ABCA13: variants seen among roughly 807,000 people sequenced by gnomAD.
ABCA13 encodes ATP-binding cassette sub-family A member 13.
A neutral mutation model predicts 478.7 loss-of-function variants in ABCA13; 476 were observed. The ratio of observed to expected loss-of-function variants is 0.99; its 90% CI spans 0.92 to 1.07. ABCA13 has a LOEUF of 1.07. Ranked by LOEUF, ABCA13 falls within the 50% of genes least tolerant of loss-of-function variation. The pLI is 0.00. For missense variants in ABCA13, 6,060 were observed against 5,910.6 expected, an observed-to-expected ratio of 1.03 and a Z score of -0.83; for synonymous variants, 2,252 against 2,158.9, an observed-to-expected ratio of 1.04 and a Z score of -1.20.
intron 19 of ABCA13, among the ~76,000 whole-genome samples, chr7:48,286,414 G>A (rs1797748857): frequency 6.6e-6 from 1 of 152,116 alleles, no homozygotes; most frequent in Non-Finnish European, 1.5e-5. Context: ...ACGTCATTGA[G>A]TTGAAATCAT....
At chr7:48,238,951 T>G (rs1354855241) in intron 8 of ABCA13, among the ~76,000 whole-genome samples, 5 of 152,250 alleles carry the variant, frequency 3.3e-5, no homozygotes, top group Non-Finnish European at 7.3e-5. Context: ...CTGACCCATG[T>G]TCACTTTTGG....
At chr7:48,350,495 A>T (rs755459950) in intron 29 of ABCA13, 148 bp from the exon 30 acceptor site, 90 of 906,684 alleles carry the variant, frequency 9.9e-5, no homozygotes, top group Non-Finnish European at 1.4e-4. Flanking sequence ...AATTTCACAT[A>T]TGACCAAAAT....
At chr7:48,406,819 G>A (rs1460669968) in intron 39 of ABCA13, among the ~76,000 whole-genome samples, 1 of 152,100 alleles carries the variant, frequency 6.6e-6, no homozygotes, top group Non-Finnish European at 1.5e-5. Context: ...GTTGCAGTGA[G>A]TTGAGATCGT....
At chr7:48,611,030 C>A (rs906932012) in intron 58 of ABCA13, among the ~76,000 whole-genome samples, 8 of 152,212 alleles carry the variant, frequency 5.3e-5, no homozygotes, top group Non-Finnish European at 1.0e-4. Flanking sequence ...ATGCAAATTT[C>A]TTCAGCCATT....
intron 35 of ABCA13, among the ~76,000 whole-genome samples, chr7:48,384,101 G>A (rs1563162271): frequency 6.6e-6 from 1 of 152,176 alleles, no homozygotes; most frequent in Non-Finnish European, 1.5e-5. Context: ...AACACTTGAA[G>A]GCATCTGGAT....
intron 55 of ABCA13, among the ~76,000 whole-genome samples, chr7:48,559,336 C>G (rs1461167311): frequency 6.6e-6 from 1 of 152,156 alleles, no homozygotes; most frequent in East Asian, 1.9e-4. Flanking sequence ...GGGAGTTCTT[C>G]AAGGCCAACG....
chr7:48,638,103 A>G (rs1456773947), intron 59 of ABCA13, among the ~76,000 whole-genome samples: 1 of 152,194 alleles, frequency 6.6e-6, no homozygotes, highest in Non-Finnish European at 1.5e-5. Context: ...GGTTGTGGGT[A>G]GCATGAAGGA....
intron 39 of ABCA13, among the ~76,000 whole-genome samples, chr7:48,408,776 G>A (rs1377182512): frequency 6.6e-6 from 1 of 152,110 alleles, no homozygotes; most frequent in East Asian, 1.9e-4. Flanking sequence ...TTGTTGTACA[G>A]ATTATTGCAT....
intron 31 of ABCA13, among the ~76,000 whole-genome samples, chr7:48,360,817 T>C (rs1200092626): frequency 6.6e-6 from 1 of 151,924 alleles, no homozygotes; most frequent in Non-Finnish European, 1.5e-5. Context: ...TCGCATGACA[T>C]ATGTAGTAGG....
chr7:48,230,027 G>T, intron 7 of ABCA13, 72 bp downstream of exon 7: 1 of 1,455,006 alleles, frequency 6.9e-7, no homozygotes, highest in Non-Finnish European at 9.2e-7. Context: ...AGTTGACATA[G>T]AGCTAAAATG....
In ABCA13 at chr7:48,367,861, A is replaced by G. The variant is rs1811924917; in HGVS notation, c.10756A>G (p.Ser3586Gly). 3.8e-6 allele frequency: 6 copies of G among 1,582,738 alleles called. No individual in the cohort carries two copies. In the South Asian group the frequency reaches 7.0e-5, roughly 18 times the overall value. ...MMLTWMVSVA[S>G]MVRKLVYEQE... The stretch of plus-strand genomic sequence containing the variant: ...GCTGACGTGGATGGTGTCTGTGGCC[A>G]GCATGGTCAGAAAGTTGGTGTATGA... Residue 3586 changes from serine to glycine, a missense_variant, in exon 32 of 62, where the codon AGC becomes GGC. By Grantham distance (56) the Ser-to-Gly change is moderately conservative. Transcript: ENST00000435803.
chr7:48,492,897 G>A (rs1485896831), intron 48 of ABCA13, among the ~76,000 whole-genome samples: 2 of 151,872 alleles, frequency 1.3e-5, no homozygotes, highest in Admixed American at 6.6e-5. Context: ...GTGTTGGTGG[G>A]CACCTGTAAT....
intron 29 of ABCA13, among the ~76,000 whole-genome samples, chr7:48,343,658 A>C (rs536064027): frequency 6.6e-6 from 1 of 151,954 alleles, no homozygotes; most frequent in South Asian, 2.1e-4. Flanking sequence ...TAAGTTCTTT[A>C]GTGGTGCTTT....
intron 6 of ABCA13, 130 bp from the exon 7 acceptor site, chr7:48,229,695 T>G: frequency 9.5e-7 from 1 of 1,049,368 alleles, no homozygotes; most frequent in Non-Finnish European, 1.4e-6. Context: ...TGCTGACATG[T>G]AAATGGTCCA....
At chr7:48,435,837 C>T (rs1221586536) in intron 42 of ABCA13, among the ~76,000 whole-genome samples, 2 of 151,250 alleles carry the variant, frequency 1.3e-5, no homozygotes, top group Non-Finnish European at 3.0e-5. Flanking sequence ...TGTATGTTGA[C>T]TCATCCTTGC....
At position 48,520,268 on chromosome 7, in the gene ABCA13, A is replaced by G. The variant is rs1832451400; in HGVS notation, c.14025A>G (p.Leu4675=). ...GTVLLLLRVL[L]HWDLLRWPRG... Reference sequence around the variant, plus strand: ...TACTTCTCCTCTTGAGGGTTCTGCTACACTGGGACCTTCTGCGATGGCCAA... The same window carrying G: ...TACTTCTCCTCTTGAGGGTTCTGCTGCACTGGGACCTTCTGCGATGGCCAA... The change falls in exon 53 of 62, where the codon CTA becomes CTG. Residue 4675 remains leucine, a synonymous_variant. Transcript: ENST00000435803. The G allele has an allele frequency of 6.2e-7, 1 of 1,612,592 alleles. No individual in the cohort carries two copies. The highest frequency in any genetic ancestry group is 1.3e-5 in the African/African-American group (1 of 74,894).
chr7:48,528,628 C>G (rs1157026879), intron 55 of ABCA13, among the ~76,000 whole-genome samples: 1 of 152,126 alleles, frequency 6.6e-6, no homozygotes, highest in East Asian at 1.9e-4. Context: ...TGCCCAGCTC[C>G]TCTCTGCAGA....
At chr7:48,547,855 T>C (rs1187892469) in intron 55 of ABCA13, among the ~76,000 whole-genome samples, 1 of 151,910 alleles carries the variant, frequency 6.6e-6, no homozygotes, top group Non-Finnish European at 1.5e-5. Context: ...TAAGTGATGA[T>C]GCTTGGTAGG....
chr7:48,580,036 A>C (rs551612415), intron 55 of ABCA13, among the ~76,000 whole-genome samples, 188 bp from the exon 56 acceptor site: 13 of 152,298 alleles, frequency 8.5e-5, no homozygotes, highest in Middle Eastern at 3.4e-3. Flanking sequence ...TCCATATGCC[A>C]AAGAGGCCTA....
Sources: gnomAD v4.1 joint callset for allele counts (sites outside exome capture counted in the v4.1 genomes callset) on GRCh38, gnomAD v4.1.1 for gene constraint, MANE v1.5 for transcripts, NCBI Gene and HGNC (gene_info 2026-07-23, HGNC 2026-07-21) for gene names.